Variants in CREBRF observed in about 807,000 individuals in gnomAD.
CREBRF encodes the protein UPF0474 protein C5orf41.
CREBRF carries 5 observed loss-of-function variants against 66.1 expected under a neutral mutation model. The observed-to-expected ratio is 0.08, with a 90% CI of 0.04 to 0.16. CREBRF has a LOEUF of 0.16. CREBRF is among the 10% of genes least tolerant of loss of function. CREBRF has a pLI of 1.00. For missense variants in CREBRF, 531 were observed against 744.9 expected, an observed-to-expected ratio of 0.71 and a Z score of 3.34; for synonymous variants, 229 against 264.4, an observed-to-expected ratio of 0.87 and a Z score of 1.30.
At chr5:173,109,372 C>T (rs1436991915) in intron 5 of CREBRF, 1 of 152,304 alleles carries the variant, frequency 6.6e-6, no homozygotes, top group Non-Finnish European at 1.5e-5. Context: ...GGTTGTAATC[C>T]TAGCACTTTG....
intron 8 of CREBRF, among the ~76,000 whole-genome samples, chr5:173,125,843 G>A (rs981714414): frequency 2.0e-5 from 3 of 152,170 alleles, no homozygotes; most frequent in African/African-American, 4.8e-5. Flanking sequence ...CCGCCTGGGC[G>A]ACAGAGCGAG....
chr5:173,116,835 A>G (rs1269664675), intron 7 of CREBRF, among the ~76,000 whole-genome samples: 3 of 152,210 alleles, frequency 2.0e-5, no homozygotes, highest in African/African-American at 7.2e-5. Flanking sequence ...GCCATTTTGC[A>G]TTCTTAAAAA....
intron 4 of CREBRF, among the ~76,000 whole-genome samples, chr5:173,106,733 T>TATTTC (rs1389325831): frequency 8.0e-5 from 2 of 25,152 alleles, no homozygotes; most frequent in Admixed American, 6.5e-4. Flanking sequence ...TTCCCTCTTC[T>TATTTC]ATTTTATTTT....
rs1759628426 is a variant in CREBRF, at chr5:173,138,069, C to T, written c.*4324C>T. On this transcript the variant is annotated 3_prime_UTR_variant, in exon 9 of 9. Transcript: ENST00000296953. ...AAGTCTGTTGTGGAATACCATTTCC[C>T]ATGGAACTGAGGCCATTTCCACAAC... 6.6e-6 allele frequency: 1 copy of T among 152,136 alleles called. No individual in the cohort carries two copies. Among genetic ancestry groups the T allele is most frequent in the South Asian group, 2.1e-4 (1 of 4,826 alleles). 9.4% of individuals were successfully genotyped at this position (152,136 alleles called of 1,614,324 possible). A position where few individuals can be genotyped will look rare whatever the true frequency, so the allele number is the denominator to read the frequency against.
At chr5:173,066,616 C>T in intron 1 of CREBRF, among the ~76,000 whole-genome samples, 1 of 152,140 alleles carries the variant, frequency 6.6e-6, no homozygotes. Context: ...GAAAGTTCCT[C>T]ATGCCCCTTT....
At chr5:173,075,849 C>T (rs1757745682) in intron 1 of CREBRF, among the ~76,000 whole-genome samples, 1 of 151,910 alleles carries the variant, frequency 6.6e-6, no homozygotes, top group Non-Finnish European at 1.5e-5. Flanking sequence ...TACTTCCCTG[C>T]CTCCTTTCCT....
chr5:173,115,755 C>T (rs1286112478), intron 7 of CREBRF, among the ~76,000 whole-genome samples: 1 of 152,156 alleles, frequency 6.6e-6, no homozygotes, highest in Non-Finnish European at 1.5e-5. Flanking sequence ...CAGGCACCCG[C>T]CACCACGCCC....
chr5:173,101,976 T>G (rs949091696), intron 4 of CREBRF, among the ~76,000 whole-genome samples: 1 of 152,222 alleles, frequency 6.6e-6, no homozygotes, highest in Non-Finnish European at 1.5e-5. Context: ...TTTATTCTTT[T>G]TCATTCCTTT....
chr5:173,099,886 A>G (rs1302351669), intron 4 of CREBRF, among the ~76,000 whole-genome samples: 2 of 148,652 alleles, frequency 1.3e-5, no homozygotes, highest in Non-Finnish European at 3.0e-5. Context: ...ATTATTTTAT[A>G]TATAGCTTTT....
chr5:173,101,264 C>A (rs114591070), intron 4 of CREBRF, among the ~76,000 whole-genome samples: 1 of 151,686 alleles, frequency 6.6e-6, no homozygotes, highest in African/African-American at 2.4e-5. Flanking sequence ...ACCATGTTAC[C>A]CAGGCTGGTC....
chr5:173,056,600 C>T (rs1280213793), intron 1 of CREBRF, 121 bp downstream of exon 1: 1 of 390,634 alleles, frequency 2.6e-6, no homozygotes. Context: ...GCCGGGCCGG[C>T]GCGGGGCGGG....
chr5:173,085,707 G>T, intron 2 of CREBRF: 2 of 739,714 alleles, frequency 2.7e-6, no homozygotes, highest in South Asian at 2.8e-5. Flanking sequence ...GTGAGCCACC[G>T]CACCCGGCCA....
chr5:173,084,730 C>T (rs542760190), intron 2 of CREBRF, among the ~76,000 whole-genome samples: 6 of 152,324 alleles, frequency 3.9e-5, no homozygotes, highest in Admixed American at 3.3e-4. Context: ...CAAGCTCCAC[C>T]TCCCGGGTTC....
At chr5:173,112,197 A>T in intron 6 of CREBRF, 109 bp from the exon 7 acceptor site, 1 of 654,732 alleles carries the variant, frequency 1.5e-6, no homozygotes, top group Non-Finnish European at 2.4e-6. Context: ...TGCAGCTAGG[A>T]GTTGGAGAGT....
chr5:173,071,853 G>C (rs1398097211), intron 1 of CREBRF, among the ~76,000 whole-genome samples: 1 of 151,680 alleles, frequency 6.6e-6, no homozygotes, highest in East Asian at 2.0e-4. Flanking sequence ...CCAGGAGTTC[G>C]AGACCAGCCT....
chr5:173,138,382 A>G lies in CREBRF; in HGVS notation c.*4637A>G, dbSNP rs1225457679. The G allele has an allele frequency of 6.6e-6, 1 of 152,218 alleles. No homozygotes were observed. The highest frequency in any genetic ancestry group is 1.5e-5 in the Non-Finnish European group (1 of 68,034). The allele number at this position is 152,218 out of a possible 1,614,324, so 9.4% of individuals were successfully genotyped here. ...ATAGGCAAATGGGATTATGTGTTGA[A>G]GCATAGTCCTCATGCTTAATAAACT... On this transcript the variant is annotated 3_prime_UTR_variant, in exon 9 of 9. Transcript: ENST00000296953.
At chr5:173,080,517 A>T in intron 1 of CREBRF, 68 bp from the exon 2 acceptor site, 1 of 529,046 alleles carries the variant, frequency 1.9e-6, no homozygotes, top group Non-Finnish European at 3.4e-6. Context: ...TCAAAAGTCA[A>T]CTTTTTTTTT....
At chr5:173,108,976 CTCACAAATAGCT>C in intron 5 of CREBRF, 158 bp downstream of exon 5, 1 of 626,404 alleles carries the variant, frequency 1.6e-6, no homozygotes, top group Non-Finnish European at 2.7e-6. Context: ...CTCTTCGTCA[CTCACAAATAGCT>C]TTTACCAGTG....
At chr5:173,075,483 T>C (rs1251987223) in intron 1 of CREBRF, among the ~76,000 whole-genome samples, 1 of 152,156 alleles carries the variant, frequency 6.6e-6, no homozygotes, top group Non-Finnish European at 1.5e-5. Flanking sequence ...AAGGACTGTT[T>C]TGTTCTACTC....
Sources: gnomAD v4.1 joint callset for allele counts (sites outside exome capture counted in the v4.1 genomes callset) on GRCh38, gnomAD v4.1.1 for gene constraint, MANE v1.5 for transcripts, NCBI Gene and HGNC (gene_info 2026-07-23, HGNC 2026-07-21) for gene names.